The following JPH3 variants were observed in gnomAD, a reference collection of about 807,000 sequenced individuals.
The protein encoded by JPH3 is junctophilin-3.
JPH3 carries 11 observed loss-of-function variants against 59.6 expected under a neutral mutation model. The ratio of observed to expected loss-of-function variants is 0.18; its 90% CI spans 0.12 to 0.31. JPH3 has a LOEUF of 0.31. JPH3 is among the 10% of genes least tolerant of loss of function. JPH3 has a pLI of 1.00. For synonymous variants in JPH3, 673 were observed against 483.6 expected (o/e 1.39, Z -5.14); for missense variants, 1,202 against 1,105.7 (o/e 1.09, Z -1.24).
At chr16:87,683,964 G>A (rs900120406) in intron 2 of JPH3, 178 bp from the exon 3 acceptor site, 10 of 604,372 alleles carry the variant, frequency 1.7e-5, no homozygotes, top group Non-Finnish European at 2.4e-5. Context: ...GCTCAGTGAT[G>A]TTTATTGAAT....
intron 1 of JPH3, among the ~76,000 whole-genome samples, chr16:87,639,836 C>T (rs765969245): frequency 5.3e-4 from 81 of 152,358 alleles, no homozygotes; most frequent in Non-Finnish European, 9.6e-4. Flanking sequence ...AGCAGGTGCC[C>T]GGCTTTCCTT....
Position 87,690,451 on chromosome 16 carries a change from C to A in JPH3, c.2091C>A (p.Phe697Leu). The change falls in exon 4 of 5, where the codon TTC (phenylalanine) becomes TTA (leucine). Residue 697 changes from phenylalanine to leucine, a missense_variant. Coordinates refer to ENST00000284262, the MANE Select transcript of JPH3 (RefSeq NM_020655.4). The part of the protein sequence containing the change: ...EPRLLRWDLT[F>L]SPPQKSLPVA... ...GGTTGCTGCGTTGGGACTTGACCTT[C>A]TCCCCGCCCCAGAAATCCTTGCCTG... is the stretch of plus-strand genomic sequence containing the variant. 1.3e-6 allele frequency: 2 copies of A among 1,485,846 alleles called. No homozygotes were observed. The highest frequency in any genetic ancestry group is 2.5e-5 in the Admixed American group (1 of 40,030). 92.0% of individuals were successfully genotyped at this position (1,485,846 alleles called of 1,614,324 possible).
intron 3 of JPH3, among the ~76,000 whole-genome samples, chr16:87,686,371 GGAGAT>G (rs1567614427): frequency 3.4e-5 from 5 of 148,924 alleles, no homozygotes; most frequent in African/African-American, 1.3e-4. Flanking sequence ...TGGATTCAGA[GGAGAT>G]GCTTCCCAGA....
intron 2 of JPH3, among the ~76,000 whole-genome samples, chr16:87,657,893 G>T (rs1177371414): frequency 6.6e-6 from 1 of 152,224 alleles, no homozygotes; most frequent in African/African-American, 2.4e-5. Context: ...TGACAATGGG[G>T]CTTCAGTGCT....
intron 1 of JPH3, among the ~76,000 whole-genome samples, chr16:87,622,980 G>T (rs969387611): frequency 6.6e-6 from 1 of 152,122 alleles, no homozygotes; most frequent in Non-Finnish European, 1.5e-5. Flanking sequence ...GGGTCCCACA[G>T]GGGGGTAAGT....
At chr16:87,664,486 G>A (rs747649536) in intron 2 of JPH3, among the ~76,000 whole-genome samples, 10 of 151,982 alleles carry the variant, frequency 6.6e-5, no homozygotes, top group Non-Finnish European at 1.2e-4. Flanking sequence ...TTAGCCGGGC[G>A]TGGTGGCATG....
chr16:87,657,697 G>A (rs1331811970), intron 2 of JPH3, among the ~76,000 whole-genome samples: 1 of 152,144 alleles, frequency 6.6e-6, no homozygotes, highest in Non-Finnish European at 1.5e-5. Context: ...TCCATCTCTG[G>A]GGTGTGACCC....
At chr16:87,628,573 G>A (rs1427474211) in intron 1 of JPH3, among the ~76,000 whole-genome samples, 2 of 152,218 alleles carry the variant, frequency 1.3e-5, no homozygotes, top group Admixed American at 6.5e-5. Flanking sequence ...TGGCTCAGAC[G>A]CTTACCTGAC....
intron 1 of JPH3, among the ~76,000 whole-genome samples, chr16:87,613,925 C>T (rs998541918): frequency 2.7e-4 from 41 of 152,276 alleles, no homozygotes; most frequent in Admixed American, 4.6e-4. Context: ...GAGATCACAG[C>T]GCTGCAAACT....
chr16:87,669,712 C>T (rs906365644), intron 2 of JPH3, among the ~76,000 whole-genome samples: 9 of 152,170 alleles, frequency 5.9e-5, no homozygotes, highest in Middle Eastern at 3.4e-3. Flanking sequence ...GGCAGGACCC[C>T]GTAGGGAGAT....
At chr16:87,648,510 G>C (rs946132199) in intron 2 of JPH3, among the ~76,000 whole-genome samples, 2 of 152,186 alleles carry the variant, frequency 1.3e-5, no homozygotes, top group Non-Finnish European at 2.9e-5. Flanking sequence ...AGTGAGAAAC[G>C]GTTTGCGGTG....
At position 87,668,750 on chromosome 16, in the gene JPH3, G is replaced by A. The variant is rs962986247; in HGVS notation, c.1161-15392G>A. On this transcript the variant is annotated intron_variant, in intron 2 of 4. Coordinates refer to ENST00000284262, the MANE Select transcript of JPH3 (RefSeq NM_020655.4). ...TTCCTGCCCAGCTCCCAGCCCTGGT[G>A]CTCACACCATCACAGGCCAAAGAAC... is the stretch of plus-strand genomic sequence containing the variant. Among the ~76,000 whole-genome samples the A allele has an allele frequency of 9.6e-4, 146 of 152,190 alleles. 2 individuals are homozygous for A. Among genetic ancestry groups the A allele is most frequent in the East Asian group, 3.9e-4 (2 of 5,162 alleles).
chr16:87,689,826 C>T lies in JPH3; in HGVS notation c.1466C>T (p.Pro489Leu), dbSNP rs1182894086. The T allele has an allele frequency of 8.4e-6, 13 of 1,549,382 alleles. No homozygotes were observed. The highest frequency in any genetic ancestry group is 5.8e-5 in the Admixed American group (3 of 52,030). ...SFPTSPAATP[P>L]PAPAARNKVA... is the part of the protein sequence containing the mutation. ...CCCACCAGCCCCGCGGCCACCCCGC[C>T]GCCCGCGCCCGCCGCCAGGAACAAG... Residue 489 changes from proline (P) to leucine (L), a missense_variant, in exon 4 of 5, where the codon CCG becomes CTG. By Grantham distance (98) the Pro-to-Leu change is moderately conservative (BLOSUM62 -3). Coordinates refer to ENST00000284262, the MANE Select transcript of JPH3 (RefSeq NM_020655.4).
Position 87,627,544 on chromosome 16 carries a change from C to G in JPH3, c.383-16714C>G, listed in dbSNP as rs546028675. The stretch of plus-strand genomic sequence containing the variant: ...GCCTTTGGAGGTGGAGATTGTGGTC[C>G]TTGTTTTACAGGCAGGGACAGTGAA... On this transcript the variant is annotated intron_variant, in intron 1 of 4. Coordinates refer to ENST00000284262, the MANE Select transcript of JPH3 (RefSeq NM_020655.4). Among the ~76,000 whole-genome samples, 12 of 152,278 alleles carry G rather than the reference C, an allele frequency of 7.9e-5. No homozygotes were observed. In the South Asian group the frequency reaches 2.5e-3, roughly 32 times the overall value.
At chr16:87,607,479 G>A (rs982076392) in intron 1 of JPH3, among the ~76,000 whole-genome samples, 3 of 152,166 alleles carry the variant, frequency 2.0e-5, no homozygotes, top group South Asian at 2.1e-4. Context: ...CCTGCCACCC[G>A]GAGACATTTT....
chr16:87,660,516 G>A (rs1306491624), intron 2 of JPH3, among the ~76,000 whole-genome samples: 3 of 152,276 alleles, frequency 2.0e-5, no homozygotes, highest in South Asian at 2.1e-4. Flanking sequence ...TGGACTGGGC[G>A]CCACTGCTCA....
At chr16:87,638,957 C>G (rs992019510) in intron 1 of JPH3, among the ~76,000 whole-genome samples, 1 of 152,150 alleles carries the variant, frequency 6.6e-6, no homozygotes, top group Non-Finnish European at 1.5e-5. Context: ...GGAGGGTAGC[C>G]TTGGCACCTG....
chr16:87,694,176 T>A (rs78287156), intron 4 of JPH3: 4 of 152,548 alleles, frequency 2.6e-5, no homozygotes, highest in African/African-American at 9.7e-5. Context: ...GGGCAGCAGC[T>A]TGCTCAAGGC....
At chr16:87,651,965 T>G (rs1425928409) in intron 2 of JPH3, among the ~76,000 whole-genome samples, 1 of 149,972 alleles carries the variant, frequency 6.7e-6, no homozygotes, top group East Asian at 1.9e-4. Flanking sequence ...CAGCCAACAT[T>G]GTTGTCGTTT....
Sources: allele counts gnomAD v4.1 joint callset (sites outside exome capture counted in the v4.1 genomes callset), GRCh38; gene constraint gnomAD v4.1.1; transcripts MANE v1.5; gene names NCBI Gene and HGNC (gene_info 2026-07-23, HGNC 2026-07-21).